The following C6orf141 variants were observed in gnomAD, a reference collection of about 807,000 sequenced individuals.
C6orf141 encodes the protein chromosome 6 open reading frame 141.
For synonymous variants in C6orf141, 164 were observed against 140.5 expected, an observed-to-expected ratio of 1.17 and a Z score of -1.18; for missense variants, 361 against 335.8, an observed-to-expected ratio of 1.07 and a Z score of -0.59.
rs1460031088 is a variant in C6orf141, at chr6:49,551,270, G to A, written c.478G>A (p.Val160Met). The change falls in exon 1 of 1, where the codon GTG becomes ATG. Residue 160 changes from valine (V) to methionine (M), a missense_variant. By Grantham distance (21) the Val-to-Met change is conservative. Transcript: ENST00000529246. ...AGCAGACCCACCCAAATACGTGCTT[G>A]TGCGGGTGGAGGATTATCAGGTAAC... is the stretch of plus-strand genomic sequence containing the variant. ...DAADPPKYVL[V>M]RVEDYQVTQE... is the part of the protein sequence containing the mutation. 1.3e-6 allele frequency: 2 copies of A among 1,551,734 alleles called. No homozygotes were observed. The highest frequency in any genetic ancestry group is 1.7e-6 in the Non-Finnish European group (2 of 1,147,000).
chr6:49,554,816 A>C (rs1771483146), downstream of C6orf141: 1 of 152,146 alleles, frequency 6.6e-6, no homozygotes, highest in Non-Finnish European at 1.5e-5. Flanking sequence ...TTTAATATAG[A>C]GTTCCTTTTC....
downstream of C6orf141, among the ~76,000 whole-genome samples, chr6:49,555,697 A>G (rs1275029216): frequency 6.6e-6 from 1 of 152,058 alleles, no homozygotes; most frequent in Non-Finnish European, 1.5e-5. Context: ...TTTAGGAGAA[A>G]TGGGGTTTCA....
downstream of C6orf141, among the ~76,000 whole-genome samples, chr6:49,553,929 T>G (rs1771216333): frequency 6.6e-6 from 1 of 152,190 alleles, no homozygotes; most frequent in Non-Finnish European, 1.5e-5. Context: ...TAGTCTTTTG[T>G]TTAGTAACAA....
At chr6:49,555,309 C>A (rs1028091813), downstream of C6orf141, 39 of 151,990 alleles carry the variant, frequency 2.6e-4, no homozygotes, top group African/African-American at 7.7e-4. Context: ...AAGAAAAAAA[C>A]TTTTTATTAA....
At position 49,550,956 on chromosome 6, in the gene C6orf141, G is replaced by A. The variant is rs768698953; in HGVS notation, c.164G>A (p.Ser55Asn). ...CGGAATCCCGCGACGGCAGGGGCGA[G>A]CCGAAGCCAGGGCGGCGGCCACGAG... ...GARNPATAGASRSQGGGHEDR... is the reference protein window; with the variant it reads ...GARNPATAGANRSQGGGHEDR... The change falls in exon 1 of 1, where the codon AGC becomes AAC. Residue 55 changes from serine to asparagine, a missense_variant. Transcript: ENST00000529246. 69 of 1,549,722 alleles carry A rather than the reference G, an allele frequency of 4.5e-5. No homozygotes were observed. In the Middle Eastern group the frequency reaches 6.7e-4, roughly 15 times the overall value.
chr6:49,551,834 C>T lies in C6orf141; in HGVS notation c.*307C>T. ...TTAATTTGCATTTTGGAATAACTCT[C>T]AATTGATCTCTTTTCTGTTCCCCGC... On this transcript the variant is annotated 3_prime_UTR_variant, in exon 1 of 1. Transcript: ENST00000529246. 1 of 1,222,456 alleles carries T rather than the reference C, an allele frequency of 8.2e-7. No homozygotes were observed. The highest frequency in any genetic ancestry group is 2.0e-5 in the South Asian group (1 of 50,794). 75.7% of individuals were successfully genotyped at this position (1,222,456 alleles called of 1,614,324 possible).
chr6:49,557,242 A>C (rs1413496540), intron 4 of C6orf141, among the ~76,000 whole-genome samples: 1 of 152,082 alleles, frequency 6.6e-6, no homozygotes, highest in Admixed American at 6.5e-5. Context: ...ACAAGAGCAA[A>C]ACTCCATCTC....
At position 49,550,953 on chromosome 6, in the gene C6orf141, C is replaced by G; in HGVS notation, c.161C>G (p.Ala54Gly). 1 of 1,549,246 alleles carries G rather than the reference C, an allele frequency of 6.5e-7. No individual in the cohort carries two copies. The highest frequency in any genetic ancestry group is 1.4e-5 in the African/African-American group (1 of 73,062). Residue 54 changes from alanine (A) to glycine (G), a missense_variant, in exon 1 of 1, where the codon GCG (alanine) becomes GGG (glycine). Transcript: ENST00000529246. ...PGARNPATAG[A>G]SRSQGGGHED... ...GCCCGGAATCCCGCGACGGCAGGGG[C>G]GAGCCGAAGCCAGGGCGGCGGCCAC...
Position 49,551,874 on chromosome 6 carries a change from T to C in C6orf141, c.*347T>C, listed in dbSNP as rs536386332. On this transcript the variant is annotated 3_prime_UTR_variant, in exon 1 of 1. Coordinates refer to ENST00000529246, the MANE Select transcript of C6orf141 (RefSeq NM_001145652.2). The stretch of plus-strand genomic sequence containing the variant: ...CTGTTCCCCGCCCCCCTCTTGTTTC[T>C]CTTTAGGACCTAGAAACAGAAGTGA... The C allele has an allele frequency of 8.8e-7, 1 of 1,135,834 alleles. No individual in the cohort carries two copies. The highest frequency in any genetic ancestry group is 7.5e-5 in the East Asian group (1 of 13,418). 70.4% of individuals were successfully genotyped at this position (1,135,834 alleles called of 1,614,324 possible).
chr6:49,557,810 C>T (rs989738856), intron 4 of C6orf141, among the ~76,000 whole-genome samples: 3 of 152,088 alleles, frequency 2.0e-5, no homozygotes, highest in African/African-American at 2.4e-5. Context: ...TTCTCTAGCT[C>T]GCCTTAATGC....
rs188732449 is a variant in C6orf141 at position 49,552,093 on chromosome 6, G to T, written c.*566G>T. On this transcript the variant is annotated 3_prime_UTR_variant, in exon 1 of 1. Transcript: ENST00000529246. ...AAGAAAACGAGAGGAGCTAGGGAAA[G>T]AAGGAGTTGGGGACAGAAGACTAAG... is the stretch of plus-strand genomic sequence containing the variant. 737 of 308,894 alleles carry T rather than the reference G, an allele frequency of 2.4e-3. 5 individuals carry two copies. The highest frequency in any genetic ancestry group is 8.5e-3 in the Middle Eastern group (5 of 590). The allele number at this position is 308,894 out of a possible 1,614,324, so 19.1% of individuals were successfully genotyped here.
intron 4 of C6orf141, among the ~76,000 whole-genome samples, chr6:49,560,120 CCTGA>C (rs1442998531): frequency 6.6e-6 from 1 of 152,086 alleles, no homozygotes; most frequent in Non-Finnish European, 1.5e-5. Context: ...TCGAAACCAG[CCTGA>C]CTAACATGGT....
chr6:49,551,651 G>C lies in C6orf141; in HGVS notation c.*124G>C. On this transcript the variant is annotated 3_prime_UTR_variant, in exon 1 of 1. Coordinates refer to ENST00000529246, the MANE Select transcript of C6orf141 (RefSeq NM_001145652.2). Reference sequence around the variant, plus strand: ...GAACCTTTTGAGAGGCTGGTGCAGCGCTTCGGGGAGGCAGATTAAGAACTG... The same window carrying C: ...GAACCTTTTGAGAGGCTGGTGCAGCCCTTCGGGGAGGCAGATTAAGAACTG... 2.0e-6 allele frequency: 3 copies of C among 1,476,168 alleles called. No homozygotes were observed. The highest frequency in any genetic ancestry group is 2.8e-5 in the Admixed American group (1 of 36,072). The allele number at this position is 1,476,168 out of a possible 1,614,324, so 91.4% of individuals were successfully genotyped here. A position where few individuals can be genotyped will look rare whatever the true frequency, so the allele number is the denominator to read the frequency against.
chr6:49,559,776 G>A (rs1231528869), intron 4 of C6orf141, among the ~76,000 whole-genome samples: 1 of 152,132 alleles, frequency 6.6e-6, no homozygotes, highest in African/African-American at 2.4e-5. Flanking sequence ...GGCATAAGGG[G>A]TACCACATAA....
downstream of C6orf141, chr6:49,555,284 C>T (rs1771601300): frequency 6.6e-6 from 1 of 152,056 alleles, no homozygotes; most frequent in Admixed American, 6.6e-5. Context: ...CTTGATGTGG[C>T]TCTTTGCTTT....
At chr6:49,559,242 T>C (rs73433818) in intron 4 of C6orf141, among the ~76,000 whole-genome samples, 1,841 of 112,454 alleles carry the variant, frequency 0.016, 60 homozygotes, top group African/African-American at 0.058. Flanking sequence ...ATTCAGTCTT[T>C]CATTTATGTT....
intron 4 of C6orf141, among the ~76,000 whole-genome samples, chr6:49,559,971 T>C (rs1772953090): frequency 1.3e-5 from 2 of 152,162 alleles, no homozygotes; most frequent in African/African-American, 4.8e-5. Context: ...CTTTCTATCC[T>C]AACTGGGTGG....
At chr6:49,557,284 A>T (rs1191463998) in intron 4 of C6orf141, among the ~76,000 whole-genome samples, 1 of 152,140 alleles carries the variant, frequency 6.6e-6, no homozygotes, top group Admixed American at 6.5e-5. Flanking sequence ...AAATAAACAG[A>T]ACAAGAGTAT....
At chr6:49,560,074 G>A (rs998665982) in intron 4 of C6orf141, among the ~76,000 whole-genome samples, 3 of 152,172 alleles carry the variant, frequency 2.0e-5, no homozygotes, top group Non-Finnish European at 4.4e-5. Flanking sequence ...AACACTTTGG[G>A]AGGCTGAGGT....
Sources: allele counts gnomAD v4.1 joint callset (sites outside exome capture counted in the v4.1 genomes callset), GRCh38; gene constraint gnomAD v4.1.1; transcripts MANE v1.5; gene names NCBI Gene and HGNC (gene_info 2026-07-23, HGNC 2026-07-21).